Variants in FAT3 observed in about 807,000 individuals in gnomAD.
The protein encoded by FAT3 is protocadherin Fat 3.
FAT3 carries 95 observed loss-of-function variants against 310.2 expected under a neutral mutation model. That is an observed-to-expected ratio of 0.31 (90% CI 0.26 to 0.36). The LOEUF (loss-of-function observed/expected upper bound fraction) is 0.36. Ranked by LOEUF, FAT3 falls within the 10% of genes least tolerant of loss-of-function variation. The probability of loss-of-function intolerance (pLI) is 1.00; values close to 1 mark genes in which losing one functional copy is unlikely to be tolerated. For missense variants in FAT3, 5,408 were observed against 5,715.6 expected (o/e 0.95, Z 1.74); for synonymous variants, 2,314 against 2,192.9 (o/e 1.06, Z -1.54).
chr11:92,300,410 G>T (rs554868688), intron 1 of FAT3, among the ~76,000 whole-genome samples: 1 of 152,148 alleles, frequency 6.6e-6, no homozygotes, highest in Admixed American at 6.5e-5. Context: ...CAAAGGCTGG[G>T]GCTTTGTCTT....
In FAT3 at chr11:92,482,544, G is replaced by A. The variant is rs533363904; in HGVS notation, c.3293-42090G>A. Among the ~76,000 whole-genome samples the A allele has an allele frequency of 2.0e-5, 3 of 152,142 alleles. No individual in the cohort carries two copies. The South Asian group carries it at 6.2e-4, about 31-fold the overall frequency. ...CTAAATCCAGACTCCAACACAGGTC[G>A]TTCTGACTTTCCAGCCTATCACTGT... On this transcript the variant is annotated intron_variant, in intron 2 of 27. Transcript: ENST00000525166.
chr11:92,641,977 A>G (rs1448302766), intron 3 of FAT3, among the ~76,000 whole-genome samples: 1 of 152,232 alleles, frequency 6.6e-6, no homozygotes, highest in African/African-American at 2.4e-5. Flanking sequence ...CACAATGCAC[A>G]CTTGTAGAAG....
chr11:92,289,118 T>A (rs1179282184), intron 1 of FAT3, among the ~76,000 whole-genome samples: 1 of 152,030 alleles, frequency 6.6e-6, no homozygotes, highest in African/African-American at 2.4e-5. Context: ...TAAATATCCC[T>A]TTTTTGGCTC....
chr11:92,409,368 G>A (rs1318181159), intron 2 of FAT3, among the ~76,000 whole-genome samples: 1 of 152,074 alleles, frequency 6.6e-6, no homozygotes. Context: ...TGAGAAAAAA[G>A]ATGTCATCCT....
In FAT3 at chr11:92,803,207, A is replaced by G. The variant is rs527459558; in HGVS notation, c.8896+1298A>G. On this transcript the variant is annotated intron_variant, in intron 10 of 27. Transcript: ENST00000525166. ...GTAAAATACTCAGCCTTAATTATTT[A>G]TAGATAGCCTCTGAATTGTCAATGG... 3.9e-5 allele frequency among the ~76,000 whole-genome samples: 6 copies of G among 152,268 alleles called. No homozygotes were observed. In the East Asian group the frequency reaches 1.2e-3, roughly 29 times the overall value.
intron 4 of FAT3, among the ~76,000 whole-genome samples, chr11:92,746,790 C>G (rs1010277156): frequency 1.3e-5 from 2 of 152,120 alleles, no homozygotes; most frequent in Admixed American, 1.3e-4. Flanking sequence ...GCTACAGGCC[C>G]CATGCAAGTC....
chr11:92,816,889 T>C (rs2136226585), intron 13 of FAT3, among the ~76,000 whole-genome samples: 1 of 152,018 alleles, frequency 6.6e-6, no homozygotes, highest in African/African-American at 2.4e-5. Flanking sequence ...GGCAGGAGAA[T>C]CACTTGAGCC....
chr11:92,421,681 C>T (rs1245310573), intron 2 of FAT3, among the ~76,000 whole-genome samples: 4 of 152,200 alleles, frequency 2.6e-5, no homozygotes, highest in African/African-American at 7.2e-5. Context: ...GAGAGACAAT[C>T]GACCTCAAAA....
chr11:92,528,680 C>T (rs959369050), intron 3 of FAT3, among the ~76,000 whole-genome samples: 11 of 152,192 alleles, frequency 7.2e-5, no homozygotes, highest in African/African-American at 1.9e-4. Context: ...CCACCGTGCC[C>T]GGCCTCCAGT....
chr11:92,228,774 C>A (rs1864027865), intron 1 of FAT3, among the ~76,000 whole-genome samples: 1 of 152,220 alleles, frequency 6.6e-6, no homozygotes, highest in Non-Finnish European at 1.5e-5. Context: ...TAGCCCACAT[C>A]TGTCCAGTTG....
At chr11:92,382,460 G>C (rs957004542) in intron 2 of FAT3, among the ~76,000 whole-genome samples, 11 of 152,072 alleles carry the variant, frequency 7.2e-5, no homozygotes, top group Admixed American at 6.5e-4. Context: ...TCCCAGGAAG[G>C]CACCTCTAAC....
At chr11:92,266,894 C>T (rs1325074319) in intron 1 of FAT3, among the ~76,000 whole-genome samples, 2 of 152,146 alleles carry the variant, frequency 1.3e-5, no homozygotes, top group Admixed American at 6.6e-5. Flanking sequence ...TCTCAGTTAA[C>T]TCTGGCATAT....
intron 21 of FAT3, among the ~76,000 whole-genome samples, chr11:92,863,646 G>T (rs1314098344): frequency 6.6e-6 from 1 of 152,160 alleles, no homozygotes; most frequent in Non-Finnish European, 1.5e-5. Context: ...ACAGTTTCAT[G>T]CACACCTCAA....
chr11:92,877,223 G>A (rs1949552803), intron 22 of FAT3, among the ~76,000 whole-genome samples: 1 of 152,138 alleles, frequency 6.6e-6, no homozygotes, highest in East Asian at 1.9e-4. Context: ...AAAAACTCGG[G>A]GGACTGAATC....
At chr11:92,728,445 A>G (rs1945064669) in intron 4 of FAT3, among the ~76,000 whole-genome samples, 1 of 152,332 alleles carries the variant, frequency 6.6e-6, no homozygotes, top group African/African-American at 2.4e-5. Flanking sequence ...TGCAGTGTTT[A>G]CAAAGAAGTT....
In FAT3 at chr11:92,255,777, A is replaced by G. The variant is rs547766429; in HGVS notation, c.-18+30603A>G. The stretch of plus-strand genomic sequence containing the variant: ...GTCTGGCGCAAGTGCTCAACATTTG[A>G]AGGAAAGGGTCTATATGAATGAACC... On this transcript the variant is annotated intron_variant, in intron 1 of 27. Coordinates refer to ENST00000525166, the MANE Select transcript of FAT3 (RefSeq NM_001367949.2). 3.3e-5 allele frequency among the ~76,000 whole-genome samples: 5 copies of G among 152,276 alleles called. No individual in the cohort carries two copies. The South Asian group carries it at 1.0e-3, about 32-fold the overall frequency.
intron 1 of FAT3, among the ~76,000 whole-genome samples, chr11:92,349,525 A>G (rs1432202005): frequency 1.3e-5 from 2 of 152,224 alleles, no homozygotes; most frequent in African/African-American, 2.4e-5. Context: ...GCTAGGTAGG[A>G]CATTTGAACC....
intron 1 of FAT3, among the ~76,000 whole-genome samples, chr11:92,327,985 A>G (rs1360805810): frequency 6.6e-6 from 1 of 152,180 alleles, no homozygotes; most frequent in African/African-American, 2.4e-5. Flanking sequence ...TCTTTCCAAC[A>G]AGAGGATAGG....
At chr11:92,335,204 GT>G (rs1948032130) in intron 1 of FAT3, among the ~76,000 whole-genome samples, 1 of 122,634 alleles carries the variant, frequency 8.2e-6, no homozygotes, top group Non-Finnish European at 1.6e-5. Context: ...CTAAACACTT[GT>G]TTTTGTTAAA....
Sources: gnomAD v4.1 joint callset for allele counts (sites outside exome capture counted in the v4.1 genomes callset) on GRCh38, gnomAD v4.1.1 for gene constraint, MANE v1.5 for transcripts, NCBI Gene and HGNC (gene_info 2026-07-23, HGNC 2026-07-21) for gene names.